Variants in HDDC2 observed in about 807,000 individuals in gnomAD.
HDDC2 encodes 5'-deoxynucleotidase HDDC2.
Under a neutral mutation model 25.5 loss-of-function variants are expected in HDDC2, and 25 were observed. That is an observed-to-expected ratio of 0.98 (90% CI 0.72 to 1.37). The LOEUF is 1.37. Among genes scored for constraint, HDDC2 ranks in the 40% most tolerant of loss-of-function variants. HDDC2 has a pLI of 0.00. For synonymous variants in HDDC2, 106 were observed against 89.7 expected (o/e 1.18, Z -1.03); for missense variants, 264 against 253.1 (o/e 1.04, Z -0.29).
chr6:125,301,441 T>TCA (rs1335010936), intron 1 of HDDC2, among the ~76,000 whole-genome samples: 2 of 85,512 alleles, frequency 2.3e-5, no homozygotes, highest in African/African-American at 2.2e-4. Flanking sequence ...CAGCCGCGCT[T>TCA]TACACACACA....
chr6:125,301,506 A>G (rs1798805524), intron 1 of HDDC2, among the ~76,000 whole-genome samples: 1 of 146,512 alleles, frequency 6.8e-6, no homozygotes, highest in South Asian at 2.1e-4. Flanking sequence ...ACACACACAC[A>G]CGAGTTCTGG....
intron 4 of HDDC2, chr6:125,278,459 T>C (rs1300287735): frequency 6.6e-6 from 1 of 152,202 alleles, no homozygotes; most frequent in Non-Finnish European, 1.5e-5. Flanking sequence ...TACATCTTAT[T>C]ACAAGTTCTC....
chr6:125,278,146 G>C (rs1360399045), intron 4 of HDDC2: 1 of 152,130 alleles, frequency 6.6e-6, no homozygotes, highest in Non-Finnish European at 1.5e-5. Flanking sequence ...ATCAATTAAA[G>C]GTTTCTTAGT....
chr6:125,294,599 T>A (rs1262788011), intron 3 of HDDC2, among the ~76,000 whole-genome samples: 5 of 152,236 alleles, frequency 3.3e-5, no homozygotes, highest in African/African-American at 1.2e-4. Context: ...TTACTTCCAG[T>A]TGAAAAGAAT....
chr6:125,278,751 T>C (rs1433849109), intron 4 of HDDC2: 2 of 152,186 alleles, frequency 1.3e-5, no homozygotes, highest in African/African-American at 4.8e-5. Context: ...TAAGACTTTG[T>C]AGCACTAGCA....
At chr6:125,291,714 CA>C (rs1798634324) in intron 4 of HDDC2, among the ~76,000 whole-genome samples, 1 of 152,168 alleles carries the variant, frequency 6.6e-6, no homozygotes, top group Non-Finnish European at 1.5e-5. Context: ...TCAAGTAACT[CA>C]CACATGGGTG....
rs372143522 is a variant in HDDC2 at position 125,297,662 on chromosome 6, GC to G, written c.309+1051del. ...TGAGAATAGACATTTAAACACACTT[GC>G]CCTGTTAAACCATCTCAATAAAGAC... On this transcript the variant is annotated intron_variant, in intron 3 of 5. Transcript: ENST00000398153. 1,080 of 397,992 alleles carry G rather than the reference GC, an allele frequency of 2.7e-3. 14 individuals are homozygous for G. Among genetic ancestry groups the G allele is most frequent in the African/African-American group, 0.02 (983 of 48,674 alleles). 24.7% of individuals were successfully genotyped at this position (397,992 alleles called of 1,614,324 possible).
chr6:125,298,604 G>T, intron 3 of HDDC2, 110 bp downstream of exon 3: 1 of 770,152 alleles, frequency 1.3e-6, no homozygotes, highest in Non-Finnish European at 2.3e-6. Flanking sequence ...ACACTACTAA[G>T]ACTATCAAGG....
chr6:125,301,780 G>A, intron 1 of HDDC2, 69 bp downstream of exon 1: 1 of 1,192,964 alleles, frequency 8.4e-7, no homozygotes, highest in Non-Finnish European at 1.2e-6. Context: ...CGAGCGGGGA[G>A]GCCGGAAGCT....
intron 5 of HDDC2, 199 bp downstream of exon 5, chr6:125,276,903 C>T (rs1451464388): frequency 3.4e-6 from 2 of 581,226 alleles, no homozygotes; most frequent in Admixed American, 3.1e-5. Flanking sequence ...GCTTACTGTT[C>T]ATTCCACATT....
intron 4 of HDDC2, among the ~76,000 whole-genome samples, chr6:125,291,517 G>A (rs1798631229): frequency 6.6e-6 from 1 of 152,148 alleles, no homozygotes; most frequent in Non-Finnish European, 1.5e-5. Context: ...CACACCAAGA[G>A]AGATGGATGA....
chr6:125,301,482 G>GCA (rs3839545), intron 1 of HDDC2, among the ~76,000 whole-genome samples: 1,709 of 120,366 alleles, frequency 0.014, 27 homozygotes, highest in South Asian at 0.066. Context: ...GGGGTCGTGA[G>GCA]CACACACACA....
intron 4 of HDDC2, among the ~76,000 whole-genome samples, chr6:125,289,463 C>G (rs1798595508): frequency 7.6e-6 from 1 of 132,230 alleles, no homozygotes; most frequent in East Asian, 2.2e-4. Context: ...CACATGTACC[C>G]TAAAACTTAG....
rs1369274766 is a variant in HDDC2 at position 125,292,855 on chromosome 6, A to ATACTTT, written c.363_364insAAAGTA (p.Leu121_Tyr122insLysVal). 2 of 1,612,704 alleles carry ATACTTT rather than the reference A, an allele frequency of 1.2e-6. No homozygotes were observed. The highest frequency in any genetic ancestry group is 3.3e-5 in the Admixed American group (2 of 60,032). On this transcript the variant is annotated inframe_insertion, in exon 4 of 6. Transcript: ENST00000398153. ...TATATACTTACTTCCCAAAGTTCAT[A>ATACTTT]GAGCTCCTTTCTGAGGTCCTCTGGT...
At chr6:125,294,455 C>A (rs964728584) in intron 3 of HDDC2, among the ~76,000 whole-genome samples, 2 of 152,200 alleles carry the variant, frequency 1.3e-5, no homozygotes, top group African/African-American at 4.8e-5. Flanking sequence ...TTATGTTGTA[C>A]ATGCATTCTC....
chr6:125,301,591 T>G (rs112982980), intron 1 of HDDC2, among the ~76,000 whole-genome samples: 43,907 of 151,978 alleles, frequency 0.29, 9,041 homozygotes, highest in African/African-American at 0.59. Context: ...GCGGCTGCAG[T>G]GCGGACCTCG....
At position 125,276,175 on chromosome 6, in the gene HDDC2, C is replaced by A; in HGVS notation, c.586G>T (p.Ala196Ser). ...ELEAERSTNI[A>S]AAASEPHS ...GAGTGTGGCTCACTGGCAGCTGCAG[C>A]TATGTTAGTGCTTCTTTCTGCCTCA... The change falls in exon 6 of 6, where the codon GCT becomes TCT. Residue 196 changes from alanine to serine, a missense_variant. Transcript: ENST00000398153. 2 of 1,613,914 alleles carry A rather than the reference C, an allele frequency of 1.2e-6. No homozygotes were observed. Among genetic ancestry groups the A allele is most frequent in the Non-Finnish European group, 1.7e-6 (2 of 1,179,816 alleles).
In HDDC2 at chr6:125,290,055, A is replaced by C. The variant is rs536441194; in HGVS notation, c.378+2786T>G. On this transcript the variant is annotated intron_variant, in intron 4 of 5. Transcript: ENST00000398153. Reference sequence around the variant, plus strand: ...GCAAATAGATGTGATCCTCTGGGCTAAGAAATATTTTAAAGTGATAAATAG... The same window carrying C: ...GCAAATAGATGTGATCCTCTGGGCTCAGAAATATTTTAAAGTGATAAATAG... Among the ~76,000 whole-genome samples, 34 of 152,362 alleles carry C rather than the reference A, an allele frequency of 2.2e-4. 1 individual carries two copies. In the East Asian group the frequency reaches 6.5e-3, roughly 29 times the overall value.
rs751442313 is a variant in HDDC2 at position 125,275,839 on chromosome 6, G to C, written c.*307C>G. ...AGCCTTCGGGGATATCGGTAATTAA[G>C]TCAGAATAAGATGATTTTAAATCTC... On this transcript the variant is annotated 3_prime_UTR_variant, in exon 6 of 6. Coordinates refer to ENST00000398153, the MANE Select transcript of HDDC2 (RefSeq NM_016063.3). 2 of 290,700 alleles carry C rather than the reference G, an allele frequency of 6.9e-6. No homozygotes were observed. Among genetic ancestry groups the C allele is most frequent in the Non-Finnish European group, 6.3e-6 (1 of 158,062 alleles). 18.0% of individuals were successfully genotyped at this position (290,700 alleles called of 1,614,324 possible). A position where few individuals can be genotyped will look rare whatever the true frequency, so the allele number is the denominator to read the frequency against.
Sources: gnomAD v4.1 joint callset for allele counts (sites outside exome capture counted in the v4.1 genomes callset) on GRCh38, gnomAD v4.1.1 for gene constraint, MANE v1.5 for transcripts, NCBI Gene and HGNC (gene_info 2026-07-23, HGNC 2026-07-21) for gene names.